The following IGF2BP2 variants were observed in gnomAD, a reference collection of about 807,000 sequenced individuals.
The protein encoded by IGF2BP2 is insulin like growth factor 2 mRNA binding protein 2.
A neutral mutation model predicts 75.8 loss-of-function variants in IGF2BP2; 17 were observed. The observed-to-expected ratio is 0.22, with a 90% CI of 0.15 to 0.34. IGF2BP2 has a LOEUF of 0.34. Ranked by LOEUF, IGF2BP2 falls within the 10% of genes least tolerant of loss-of-function variation. The pLI, the probability that IGF2BP2 is intolerant of heterozygous loss-of-function variation, is 1.00. For missense variants in IGF2BP2, 516 were observed against 772.4 expected (o/e 0.67, Z 3.93); for synonymous variants, 288 against 295.6 (o/e 0.97, Z 0.26).
Position 185,729,657 on chromosome 3 carries a change from G to A in IGF2BP2, c.240-31310C>T, listed in dbSNP as rs573208316. The A allele has an allele frequency of 4.1e-4, 63 of 152,212 alleles. 1 individual carries two copies. Among genetic ancestry groups the A allele is most frequent in the Non-Finnish European group, 7.2e-4 (49 of 67,998 alleles). The allele number at this position is 152,212 out of a possible 1,614,324, so 9.4% of individuals were successfully genotyped here. ...AATTTTAATGTAACAGAATATTAAC[G>A]TTCATATGCTTTCAGATACTACATG... On this transcript the variant is annotated intron_variant, in intron 2 of 15. Coordinates refer to ENST00000382199, the MANE Select transcript of IGF2BP2 (RefSeq NM_006548.6).
At chr3:185,696,555 T>A in intron 4 of IGF2BP2, 57 bp downstream of exon 4, 9 of 1,457,110 alleles carry the variant, frequency 6.2e-6, no homozygotes, top group Admixed American at 1.7e-5. Flanking sequence ...ACCTAACCTA[T>A]AAGAAATAAC....
chr3:185,732,458 A>C (rs1309697403), intron 2 of IGF2BP2, among the ~76,000 whole-genome samples: 1 of 152,216 alleles, frequency 6.6e-6, no homozygotes, highest in Non-Finnish European at 1.5e-5. Flanking sequence ...ATTTTGACTC[A>C]CTAGCAAGTC....
intron 2 of IGF2BP2, among the ~76,000 whole-genome samples, chr3:185,819,079 T>G (rs1043686255): frequency 1.3e-5 from 2 of 152,142 alleles, no homozygotes; most frequent in African/African-American, 4.8e-5. Flanking sequence ...CAAATATTAC[T>G]AATATCCTCT....
At chr3:185,804,166 G>C (rs535268466) in intron 2 of IGF2BP2, among the ~76,000 whole-genome samples, 1 of 150,280 alleles carries the variant, frequency 6.7e-6, no homozygotes, top group African/African-American at 2.4e-5. Flanking sequence ...CTGAGGCAGA[G>C]AATCACTTGA....
intron 4 of IGF2BP2, among the ~76,000 whole-genome samples, chr3:185,694,132 C>T (rs1722285344): frequency 6.6e-6 from 1 of 152,176 alleles, no homozygotes; most frequent in Non-Finnish European, 1.5e-5. Flanking sequence ...AACCCGAGCC[C>T]AGCTCTGGCC....
chr3:185,716,913 A>G (rs1318563501), intron 2 of IGF2BP2: 3 of 454,584 alleles, frequency 6.6e-6, no homozygotes, highest in Non-Finnish European at 1.3e-5. Context: ...CGCTCTGTTT[A>G]CATCTCTGCT....
intron 2 of IGF2BP2, chr3:185,728,752 C>G (rs1727716039): frequency 6.6e-6 from 1 of 152,210 alleles, no homozygotes; most frequent in African/African-American, 2.4e-5. Flanking sequence ...GCAGCAGGAG[C>G]AGGATTCAAA....
At chr3:185,795,743 T>C (rs779594288) in intron 2 of IGF2BP2, among the ~76,000 whole-genome samples, 1 of 151,898 alleles carries the variant, frequency 6.6e-6, no homozygotes, top group Non-Finnish European at 1.5e-5. Flanking sequence ...TAGCTGGGTG[T>C]GGTGGCGCAG....
intron 9 of IGF2BP2, among the ~76,000 whole-genome samples, chr3:185,674,726 C>T (rs1719033045): frequency 6.6e-6 from 1 of 152,132 alleles, no homozygotes; most frequent in Non-Finnish European, 1.5e-5. Flanking sequence ...TGGAAAAAAT[C>T]CCACTTTTCT....
At chr3:185,742,185 T>TC (rs1729642533) in intron 2 of IGF2BP2, among the ~76,000 whole-genome samples, 1 of 115,098 alleles carries the variant, frequency 8.7e-6, no homozygotes, top group African/African-American at 4.0e-5. Flanking sequence ...AGCCCACCTC[T>TC]TAAAAAAAAA....
intron 2 of IGF2BP2, among the ~76,000 whole-genome samples, chr3:185,715,093 G>C (rs751846564): frequency 6.6e-6 from 1 of 152,206 alleles, no homozygotes. Flanking sequence ...AACCTGGCAA[G>C]GAACCAGGGG....
rs1338169085 is a variant in IGF2BP2 at position 185,644,955 on chromosome 3, T to C, written c.*576A>G. The C allele has an allele frequency of 6.6e-6, 1 of 152,400 alleles. No individual in the cohort carries two copies. Among genetic ancestry groups the C allele is most frequent in the Non-Finnish European group, 1.5e-5 (1 of 68,044 alleles). The allele number at this position is 152,400 out of a possible 1,614,324, so 9.4% of individuals were successfully genotyped here. On this transcript the variant is annotated 3_prime_UTR_variant, in exon 16 of 16. Transcript: ENST00000382199. ...ACCGTGAGACCTCCCAAAGACTTTATTCTTTAAAGTCTAGAAAAGCCTGCT... is the reference window on the plus strand; with the variant it reads ...ACCGTGAGACCTCCCAAAGACTTTACTCTTTAAAGTCTAGAAAAGCCTGCT...
chr3:185,798,157 C>T (rs1438688617), intron 2 of IGF2BP2, among the ~76,000 whole-genome samples: 2 of 151,954 alleles, frequency 1.3e-5, no homozygotes, highest in Non-Finnish European at 2.9e-5. Context: ...GCTGAGATTG[C>T]GCCACTGCAC....
At chr3:185,755,418 T>C (rs1463387848) in intron 2 of IGF2BP2, among the ~76,000 whole-genome samples, 5 of 152,222 alleles carry the variant, frequency 3.3e-5, no homozygotes, top group Admixed American at 6.5e-5. Context: ...AAAGCTTGTA[T>C]AGGAGCCCCC....
At chr3:185,800,718 A>AAAAAGAAAGAAAGAAAGAAAGAAAG (rs771868332) in intron 2 of IGF2BP2, among the ~76,000 whole-genome samples, 2,559 of 143,286 alleles carry the variant, frequency 0.018, 47 homozygotes, top group African/African-American at 0.029. Context: ...GAGCCAAAAA[A>AAAAAGAAAGAAAGAAAGAAAGAAAG]AAAGAAAGAA....
At chr3:185,708,469 C>T (rs1366660071) in intron 2 of IGF2BP2, among the ~76,000 whole-genome samples, 1 of 152,106 alleles carries the variant, frequency 6.6e-6, no homozygotes, top group Non-Finnish European at 1.5e-5. Flanking sequence ...TCACTCTTTG[C>T]TCCTCAAAAG....
At chr3:185,711,536 G>T (rs1357045685) in intron 2 of IGF2BP2, among the ~76,000 whole-genome samples, 2 of 152,062 alleles carry the variant, frequency 1.3e-5, no homozygotes, top group African/African-American at 4.8e-5. Context: ...AGTTTTCATC[G>T]CTTCCTCTCA....
intron 2 of IGF2BP2, among the ~76,000 whole-genome samples, chr3:185,804,240 A>C (rs1578364221): frequency 7.1e-6 from 1 of 141,484 alleles, no homozygotes; most frequent in Non-Finnish European, 1.5e-5. Context: ...TGGACAACAG[A>C]GCAAGACTAC....
In IGF2BP2 at chr3:185,687,081, T is replaced by C; in HGVS notation, c.788A>G (p.Gln263Arg). 6.2e-7 allele frequency: 1 copy of C among 1,613,338 alleles called. No homozygotes were observed. The highest frequency in any genetic ancestry group is 8.5e-7 in the Non-Finnish European group (1 of 1,179,866). ...CAGTTTGGTCTCATCTGCCTCTTTC[T>C]GCATGATTTCAAGAATCATGCGGCA... ...EACRMILEIM[Q>R]KEADETKLAE... Residue 263 changes from glutamine to arginine, a missense_variant, in exon 7 of 16, where the codon CAG (glutamine) becomes CGG (arginine). By Grantham distance (43) the Gln-to-Arg change is conservative. Coordinates refer to ENST00000382199, the MANE Select transcript of IGF2BP2 (RefSeq NM_006548.6).
Sources: allele counts gnomAD v4.1 joint callset (sites outside exome capture counted in the v4.1 genomes callset), GRCh38; gene constraint gnomAD v4.1.1; transcripts MANE v1.5; gene names NCBI Gene and HGNC (gene_info 2026-07-23, HGNC 2026-07-21).